The following CSMD1 variants were observed in gnomAD, a reference collection of about 807,000 sequenced individuals.
CSMD1 encodes the protein CUB and sushi domain-containing protein 1.
A neutral mutation model predicts 417.5 loss-of-function variants in CSMD1; 213 were observed. The ratio of observed to expected loss-of-function variants is 0.51; its 90% CI spans 0.46 to 0.57. The LOEUF is 0.57. Ranked by LOEUF, CSMD1 falls within the 20% of genes least tolerant of loss-of-function variation. CSMD1 has a pLI of 0.00. For synonymous variants in CSMD1, 2,862 were observed against 1,736.8 expected, an observed-to-expected ratio of 1.65 and a Z score of -16.11; for missense variants, 6,923 against 4,529.7, an observed-to-expected ratio of 1.53 and a Z score of -15.17.
chr8:3,263,439 T>G (rs756084106), intron 26 of CSMD1, among the ~76,000 whole-genome samples: 11 of 152,328 alleles, frequency 7.2e-5, no homozygotes, highest in Middle Eastern at 3.4e-3. Context: ...AATTCCCCTA[T>G]GTATATATGG....
chr8:4,946,987 T>C (rs547304040), intron 1 of CSMD1, among the ~76,000 whole-genome samples: 1 of 152,340 alleles, frequency 6.6e-6, no homozygotes, highest in African/African-American at 2.4e-5. Flanking sequence ...CAGTAATCAA[T>C]GTCTGTAATC....
intron 1 of CSMD1, among the ~76,000 whole-genome samples, chr8:4,663,461 G>A (rs978247817): frequency 3.9e-5 from 6 of 152,138 alleles, no homozygotes; most frequent in Admixed American, 6.5e-5. Flanking sequence ...AATATTGGAG[G>A]AGGGGCCTGG....
At chr8:4,252,156 G>C (rs1803125005) in intron 3 of CSMD1, among the ~76,000 whole-genome samples, 1 of 152,094 alleles carries the variant, frequency 6.6e-6, no homozygotes, top group Non-Finnish European at 1.5e-5. Flanking sequence ...TGTTCTTTCA[G>C]GATATATAGA....
intron 3 of CSMD1, among the ~76,000 whole-genome samples, chr8:4,181,998 T>A (rs2656295): frequency 1.3e-5 from 2 of 150,014 alleles, no homozygotes; most frequent in African/African-American, 4.9e-5. Flanking sequence ...GTTTACATTT[T>A]TAAGTACACA....
chr8:4,993,395 T>G (rs545927899), intron 1 of CSMD1, among the ~76,000 whole-genome samples: 1 of 152,318 alleles, frequency 6.6e-6, no homozygotes, highest in Admixed American at 6.5e-5. Context: ...TCTCTCTGTC[T>G]CTCTCCCTCT....
intron 25 of CSMD1, among the ~76,000 whole-genome samples, chr8:3,289,523 T>G (rs35463878): frequency 6.8e-6 from 1 of 147,320 alleles, no homozygotes; most frequent in Non-Finnish European, 1.5e-5. Context: ...CCATTCTAAC[T>G]GGTGTGAGAT....
chr8:3,154,052 C>T (rs1169620045), intron 39 of CSMD1, among the ~76,000 whole-genome samples: 8 of 152,158 alleles, frequency 5.3e-5, no homozygotes, highest in Admixed American at 2.0e-4. Context: ...CTGCAACCTC[C>T]GCCTCCCTGG....
At chr8:3,583,318 G>C (rs1189821329) in intron 9 of CSMD1, among the ~76,000 whole-genome samples, 1 of 151,886 alleles carries the variant, frequency 6.6e-6, no homozygotes, top group Non-Finnish European at 1.5e-5. Context: ...TTGGAACCGG[G>C]TTGTGGGTCA....
intron 3 of CSMD1, among the ~76,000 whole-genome samples, chr8:4,041,279 A>G (rs1465501167): frequency 1.4e-5 from 2 of 139,860 alleles, no homozygotes; most frequent in Non-Finnish European, 3.2e-5. Flanking sequence ...GGCCTCCCAA[A>G]GTACGGGGAT....
At chr8:4,137,749 T>C (rs1803521890) in intron 3 of CSMD1, among the ~76,000 whole-genome samples, 1 of 79,052 alleles carries the variant, frequency 1.3e-5, no homozygotes, top group Non-Finnish European at 3.8e-5. Flanking sequence ...TTATATAAAA[T>C]TACACTTTCC....
chr8:3,422,429 C>G (rs75069995), intron 12 of CSMD1, among the ~76,000 whole-genome samples: 4,323 of 152,208 alleles, frequency 0.028, 78 homozygotes, highest in Non-Finnish European at 0.043. Context: ...CCCAAAATGC[C>G]TATTGAAAGA....
intron 2 of CSMD1, among the ~76,000 whole-genome samples, chr8:4,541,152 T>C (rs73182958): frequency 6.6e-6 from 1 of 152,060 alleles, no homozygotes; most frequent in African/African-American, 2.4e-5. Context: ...TTTAAGCCAA[T>C]AGTGGTGCCA....
At chr8:4,543,856 T>C (rs918498935) in intron 2 of CSMD1, among the ~76,000 whole-genome samples, 5 of 152,114 alleles carry the variant, frequency 3.3e-5, no homozygotes, top group African/African-American at 9.7e-5. Flanking sequence ...CTGATTATTG[T>C]TTCAATTTGC....
At chr8:4,196,875 A>G (rs926986207) in intron 3 of CSMD1, among the ~76,000 whole-genome samples, 1 of 152,212 alleles carries the variant, frequency 6.6e-6, no homozygotes, top group Non-Finnish European at 1.5e-5. Flanking sequence ...ACATATAGTG[A>G]AAGTTCCGCC....
intron 39 of CSMD1, among the ~76,000 whole-genome samples, chr8:3,157,151 T>C (rs940814528): frequency 9.9e-5 from 15 of 151,866 alleles, no homozygotes; most frequent in African/African-American, 3.6e-4. Context: ...ACCTGCAAGG[T>C]TGAATGGTTG....
chr8:4,610,855 CT>C (rs1563332640), intron 2 of CSMD1, among the ~76,000 whole-genome samples: 1 of 152,108 alleles, frequency 6.6e-6, no homozygotes, highest in Non-Finnish European at 1.5e-5. Context: ...TGGCGAAAAC[CT>C]TATACGATTT....
chr8:4,431,574 C>G (rs1043511020), intron 2 of CSMD1, among the ~76,000 whole-genome samples: 2 of 152,140 alleles, frequency 1.3e-5, no homozygotes, highest in Non-Finnish European at 2.9e-5. Flanking sequence ...CATTTCAAAA[C>G]TTTGCTCTGA....
At chr8:3,757,417 T>C in intron 5 of CSMD1, among the ~76,000 whole-genome samples, 1 of 152,330 alleles carries the variant, frequency 6.6e-6, no homozygotes, top group Middle Eastern at 3.4e-3. Flanking sequence ...GAGATTTTAA[T>C]TTTTATACAA....
chr8:3,300,540 G>A (rs971942706), intron 25 of CSMD1, among the ~76,000 whole-genome samples: 1 of 152,132 alleles, frequency 6.6e-6, no homozygotes, highest in Admixed American at 6.6e-5. Flanking sequence ...TAAGACATAT[G>A]AGGATGCTCA....
Sources: allele counts gnomAD v4.1 joint callset (sites outside exome capture counted in the v4.1 genomes callset), GRCh38; gene constraint gnomAD v4.1.1; transcripts MANE v1.5; gene names NCBI Gene and HGNC (gene_info 2026-07-23, HGNC 2026-07-21).